IRAG1: variants seen among roughly 807,000 people sequenced by gnomAD.
IRAG1 encodes the protein inositol 1,4,5-triphosphate receptor associated 1.
A neutral mutation model predicts 106.2 loss-of-function variants in IRAG1; 62 were observed. The ratio of observed to expected loss-of-function variants is 0.58; its 90% confidence interval spans 0.48 to 0.72. The LOEUF (loss-of-function observed/expected upper bound fraction) is 0.72, where lower values mean the gene tolerates loss of function less well. IRAG1 is among the 30% of genes least tolerant of loss of function. The pLI is 0.00. For missense variants in IRAG1, 1,064 were observed against 1,140.7 expected (o/e 0.93, Z 0.97); for synonymous variants, 462 against 443.9 (o/e 1.04, Z -0.51).
In IRAG1 at chr11:10,647,820, G is replaced by A. The variant is rs1316128544; in HGVS notation, c.225+4205C>T. The stretch of plus-strand genomic sequence containing the variant: ...AGATGGGCTGGTATGTGTCCTGAGC[G>A]GAGGTTAGGAAGGCTCTGAACACTG... On this transcript the variant is annotated intron_variant, in intron 2 of 20. Transcript: ENST00000423302. The surrounding 1 kb of genome is among the most constrained non-coding windows in gnomAD (Gnocchi z 4.3). 1.3e-5 allele frequency among the ~76,000 whole-genome samples: 2 copies of A among 152,104 alleles called. No homozygotes were observed. Among genetic ancestry groups the A allele is most frequent in the South Asian group, 2.1e-4 (1 of 4,830 alleles).
Position 10,657,426 on chromosome 11 carries a change from C to T in IRAG1, c.68-5244G>A, listed in dbSNP as rs1019297022. Among the ~76,000 whole-genome samples the T allele has an allele frequency of 4.6e-5, 7 of 152,126 alleles. No homozygotes were observed. Among genetic ancestry groups the T allele is most frequent in the Non-Finnish European group, 8.8e-5 (6 of 68,028 alleles). On this transcript the variant is annotated intron_variant, in intron 1 of 20. Transcript: ENST00000423302. This position sits in a 1 kb window ranked among gnomAD's most constrained non-coding sequence, Gnocchi z 4.1. ...GCCTCTCCCAGAGCCTTGCAACCTG[C>T]CTAGGAGAGACCAAACTCCTCTCTG...
chr11:10,680,344 G>GGAAAGAAAGAAAGAAAGAAAAA (rs1861073408), intron 1 of IRAG1, among the ~76,000 whole-genome samples: 1 of 67,968 alleles, frequency 1.5e-5, no homozygotes, highest in Non-Finnish European at 2.5e-5. Flanking sequence ...AAGGAAGGAA[G>GGAAAGAAAGAAAGAAAGAAAAA]GAAAGAAAGA....
intron 3 of IRAG1, among the ~76,000 whole-genome samples, chr11:10,633,275 C>G (rs1856870247): frequency 6.6e-6 from 1 of 152,130 alleles, no homozygotes; most frequent in Non-Finnish European, 1.5e-5. Context: ...CGTGGTTTCA[C>G]TGTGTTAGCC....
At chr11:10,585,906 TTTTC>T (rs963419137) in intron 18 of IRAG1, 1 of 150,904 alleles carries the variant, frequency 6.6e-6, no homozygotes, top group African/African-American at 2.4e-5. Context: ...GAACCCCCGC[TTTTC>T]TTTCAATAGA....
chr11:10,586,806 A>G (rs1852057966), intron 18 of IRAG1, among the ~76,000 whole-genome samples: 1 of 152,190 alleles, frequency 6.6e-6, no homozygotes, highest in African/African-American at 2.4e-5. Context: ...CCTGCATATG[A>G]CTGTCATCAC....
chr11:10,594,117 G>A, intron 16 of IRAG1, 29 bp downstream of exon 16: 1 of 1,587,442 alleles, frequency 6.3e-7, no homozygotes, highest in Middle Eastern at 1.7e-4. Flanking sequence ...CTCCTTCCAG[G>A]AGCCCTGGTA....
intron 18 of IRAG1, among the ~76,000 whole-genome samples, chr11:10,588,851 A>G (rs1852326274): frequency 6.6e-6 from 1 of 152,224 alleles, no homozygotes; most frequent in African/African-American, 2.4e-5. Context: ...CCTTGAGTAC[A>G]TTCTATGTGC....
chr11:10,645,200 G>T (rs536135274), intron 2 of IRAG1, among the ~76,000 whole-genome samples: 4 of 152,152 alleles, frequency 2.6e-5, no homozygotes, highest in Non-Finnish European at 5.9e-5. Flanking sequence ...CATATTTATT[G>T]AGTGCCTACC....
intron 11 of IRAG1, among the ~76,000 whole-genome samples, chr11:10,608,090 G>C (rs1564905153): frequency 6.6e-6 from 1 of 152,030 alleles, no homozygotes; most frequent in African/African-American, 2.4e-5. Flanking sequence ...CTTTTTTGCT[G>C]TAGAACACAC....
intron 1 of IRAG1, among the ~76,000 whole-genome samples, chr11:10,686,878 T>G (rs755018259): frequency 9.9e-5 from 15 of 152,232 alleles, no homozygotes; most frequent in Non-Finnish European, 2.1e-4. Context: ...CAATGGTAGT[T>G]CCTTTCCCAT....
chr11:10,667,966 G>C (rs1307627016), intron 1 of IRAG1, among the ~76,000 whole-genome samples: 1 of 152,202 alleles, frequency 6.6e-6, no homozygotes, highest in Non-Finnish European at 1.5e-5. Flanking sequence ...CTCTGAGACT[G>C]CCAAACCTCT....
At position 10,628,082 on chromosome 11, in the gene IRAG1, C is replaced by T; in HGVS notation, c.653-57G>A. 1 of 1,581,544 alleles carries T rather than the reference C, an allele frequency of 6.3e-7. No individual in the cohort carries two copies. Among genetic ancestry groups the T allele is most frequent in the Non-Finnish European group, 8.7e-7 (1 of 1,153,810 alleles). ...CCAGCAGCCCAGGCCCTCAGCTGTG[C>T]TTTCAGCCACATCTCCCTCCCCGGG... On this transcript the variant is annotated intron_variant, in intron 6 of 20. Coordinates refer to ENST00000423302, the MANE Select transcript of IRAG1 (RefSeq NM_130385.4). This position sits in a 1 kb window ranked among gnomAD's most constrained non-coding sequence, Gnocchi z 4.1.
intron 1 of IRAG1, among the ~76,000 whole-genome samples, chr11:10,680,344 G>GGAAAGAAA (rs750310566): frequency 0.011 from 732 of 67,898 alleles, 13 homozygotes; most frequent in East Asian, 0.022. Flanking sequence ...AAGGAAGGAA[G>GGAAAGAAA]GAAAGAAAGA....
chr11:10,680,404 G>GGAAGGAAGGAAGGAAGGAAAGAAAGGAAA lies in IRAG1; in HGVS notation c.67+13131_67+13132insTTTCCTTTCTTTCCTTCCTTCCTTCCTTC, dbSNP rs71034778. On this transcript the variant is annotated intron_variant, in intron 1 of 20. Transcript: ENST00000423302. Reference sequence around the variant, plus strand: ...AGGAAGGAAGGAAGGAAGGAAGGAAGGAAAGAAAGGGAAAGAAAGAAAGAG... The same window carrying GGAAGGAAGGAAGGAAGGAAAGAAAGGAAA: ...AGGAAGGAAGGAAGGAAGGAAGGAAGGAAGGAAGGAAGGAAGGAAAGAAAGGAAAGAAAGAAAGGGAAAGAAAGAAAGAG... Among the ~76,000 whole-genome samples the GGAAGGAAGGAAGGAAGGAAAGAAAGGAAA allele has an allele frequency of 3.4e-3, 280 of 82,084 alleles. 1 individual carries two copies. Among genetic ancestry groups the GGAAGGAAGGAAGGAAGGAAAGAAAGGAAA allele is most frequent in the Non-Finnish European group, 4.4e-3 (202 of 46,100 alleles). 53.9% of individuals were successfully genotyped at this position (82,084 alleles called of 152,430 possible). A position where few individuals can be genotyped will look rare whatever the true frequency, so the allele number is the denominator to read the frequency against.
rs531422537 is a variant in IRAG1 at position 10,606,090 on chromosome 11, T to A, written c.1602+652A>T. 2.0e-5 allele frequency among the ~76,000 whole-genome samples: 3 copies of A among 152,378 alleles called. No individual in the cohort carries two copies. In the East Asian group the frequency reaches 5.8e-4, roughly 29 times the overall value. On this transcript the variant is annotated intron_variant, in intron 12 of 20. Transcript: ENST00000423302. The stretch of plus-strand genomic sequence containing the variant: ...AAGTGCAATGCCTGTGTGCAAGTTA[T>A]AGATACTACCTGTGGTAGATACTTC...
At chr11:10,661,090 T>C (rs200012037) in intron 1 of IRAG1, among the ~76,000 whole-genome samples, 3 of 152,022 alleles carry the variant, frequency 2.0e-5, no homozygotes, top group African/African-American at 7.2e-5. Flanking sequence ...CCTTTTACCA[T>C]GGGGGGGCCA....
chr11:10,602,345 G>C (rs915366669), intron 14 of IRAG1, among the ~76,000 whole-genome samples: 1 of 152,190 alleles, frequency 6.6e-6, no homozygotes, highest in Non-Finnish European at 1.5e-5. Context: ...TTACAAGTAC[G>C]GCAGCAACCC....
intron 4 of IRAG1, 115 bp downstream of exon 4, chr11:10,631,876 T>C (rs1405190389): frequency 8.9e-6 from 7 of 787,796 alleles, no homozygotes; most frequent in Non-Finnish European, 1.6e-5. Flanking sequence ...CCTGTCCTGT[T>C]GGACTTATCG....
intron 9 of IRAG1, among the ~76,000 whole-genome samples, chr11:10,624,902 G>T (rs1166653573): frequency 6.6e-6 from 1 of 152,158 alleles, no homozygotes; most frequent in African/African-American, 2.4e-5. Flanking sequence ...CCTGGCTATC[G>T]GCCCCTTGGC....
Sources: allele counts gnomAD v4.1 joint callset (sites outside exome capture counted in the v4.1 genomes callset), GRCh38; gene constraint gnomAD v4.1.1; non-coding constraint Gnocchi (gnomAD v3.1); transcripts MANE v1.5; gene names NCBI Gene and HGNC (gene_info 2026-07-23, HGNC 2026-07-21).